Variants in TRIM14 observed in about 807,000 individuals in gnomAD.
TRIM14 encodes the protein tripartite motif-containing protein 14.
TRIM14 carries 28 observed loss-of-function variants against 44.5 expected under a neutral mutation model. The ratio of observed to expected loss-of-function variants is 0.63; its 90% CI spans 0.47 to 0.86. The LOEUF is 0.86. TRIM14 is among the 40% of genes least tolerant of loss of function. The pLI, the probability that TRIM14 is intolerant of heterozygous loss-of-function variation, is 0.00. For missense variants in TRIM14, 607 were observed against 611.1 expected, an observed-to-expected ratio of 0.99 and a Z score of 0.07; for synonymous variants, 299 against 269.2, an observed-to-expected ratio of 1.11 and a Z score of -1.08.
At chr9:98,074,100 T>G (rs1406834115) in intron 6 of TRIM14, among the ~76,000 whole-genome samples, 1 of 152,190 alleles carries the variant, frequency 6.6e-6, no homozygotes, top group Admixed American at 6.5e-5. Flanking sequence ...TTAATAAAGT[T>G]CTGAGTCGAA....
rs1179848355 is a variant in TRIM14, at chr9:98,087,799, C to T, written c.1000G>A (p.Gly334Ser). 2.7e-6 allele frequency: 4 copies of T among 1,503,122 alleles called. No individual in the cohort carries two copies. Among genetic ancestry groups the T allele is most frequent in the Non-Finnish European group, 3.5e-6 (4 of 1,137,316 alleles). The allele number at this position is 1,503,122 out of a possible 1,614,324, so 93.1% of individuals were successfully genotyped here. ...WEVDVQEAGA[G>S]WWVGAAYASL... ...GCGTAGGCCGCGCCCACCCACCAGC[C>T]GGCGCCCGCCTCCTGCACGTCAACC... Residue 334 changes from glycine (G) to serine (S), a missense_variant, in exon 6 of 6, where the codon GGC becomes AGC. Physicochemically the swap from Gly to Ser is moderately conservative, Grantham distance 56. Around this residue, in one of 3 missense-constraint regions of TRIM14, gnomAD observed 356 missense variants for 323.0 expected, o/e 1.10. Transcript: ENST00000341469.
intron 6 of TRIM14, among the ~76,000 whole-genome samples, chr9:98,077,215 G>A (rs140536532): frequency 7.3e-5 from 11 of 151,716 alleles, no homozygotes; most frequent in African/African-American, 2.2e-4. Context: ...CTCCCATCTC[G>A]ACCTCCCAAA....
the TRIM14 span, among the ~76,000 whole-genome samples, chr9:98,041,170 T>C: frequency 3.4e-3 from 520 of 152,200 alleles, 6 homozygotes; most frequent in African/African-American, 0.011. Flanking sequence ...GGATGAGGAA[T>C]AAAATTCCCA....
intron 6 of TRIM14, among the ~76,000 whole-genome samples, chr9:98,073,586 G>C (rs561342546): frequency 1.8e-4 from 27 of 149,708 alleles, no homozygotes; most frequent in South Asian, 1.1e-3. Context: ...CCTGGCCTGG[G>C]CTTCTTTTTT....
chr9:98,102,007 CAAAAAAA>C (rs998993291), intron 2 of TRIM14, among the ~76,000 whole-genome samples: 1,275 of 57,716 alleles, frequency 0.022, 19 homozygotes, highest in African/African-American at 0.078. Context: ...GACTTTGACT[CAAAAAAA>C]AAAAAAAAAA....
At chr9:98,082,748 G>T, downstream of TRIM14, 2 of 1,155,638 alleles carry the variant, frequency 1.7e-6, no homozygotes, top group East Asian at 5.1e-5. Context: ...CCAAGGTACT[G>T]CCTGGGGAAG....
intron 1 of TRIM14, 120 bp from the exon 2 acceptor site, chr9:98,110,104 G>A (rs575203375): frequency 1.2e-5 from 9 of 752,688 alleles, no homozygotes; most frequent in Admixed American, 7.1e-5. Flanking sequence ...ATCTGAAGGT[G>A]AGGTAACTTG....
At position 98,110,848 on chromosome 9, in the gene TRIM14, AAAAATAAAATAAAAT is replaced by A. The variant is rs58660734; in HGVS notation, c.208-879_208-865del. On this transcript the variant is annotated intron_variant, in intron 1 of 5. Transcript: ENST00000341469. ...ATAGTGAGACTCTGCCTCTACCACA[AAAAATAAAATAAAAT>A]AAAATAAAATAAAATAAAATAAAAT... Among the ~76,000 whole-genome samples the A allele has an allele frequency of 6.6e-4, 86 of 130,586 alleles. 1 individual carries two copies. The highest frequency in any genetic ancestry group is 8.6e-4 in the East Asian group (4 of 4,644). 85.7% of individuals were successfully genotyped at this position (130,586 alleles called of 152,430 possible). A position where few individuals can be genotyped will look rare whatever the true frequency, so the allele number is the denominator to read the frequency against.
intron 6 of TRIM14, chr9:98,076,825 G>A: frequency 1.0e-6 from 1 of 984,710 alleles, no homozygotes; most frequent in Non-Finnish European, 1.6e-6. Flanking sequence ...CCTAAGATGA[G>A]GGGTTTTTCT....
chr9:98,061,522 C>G, the TRIM14 span, among the ~76,000 whole-genome samples: 1 of 149,382 alleles, frequency 6.7e-6, no homozygotes, highest in African/African-American at 2.5e-5. Flanking sequence ...TGTCTCACAC[C>G]TGTAATCCCA....
chr9:98,072,744 A>C (rs1355477144), intron 6 of TRIM14, among the ~76,000 whole-genome samples: 2 of 152,074 alleles, frequency 1.3e-5, no homozygotes, highest in African/African-American at 4.8e-5. Flanking sequence ...TACGAGAGTT[A>C]ATTTACCTTG....
intron 1 of TRIM14, among the ~76,000 whole-genome samples, chr9:98,117,649 T>C (rs1827103536): frequency 6.6e-6 from 1 of 152,210 alleles, no homozygotes; most frequent in African/African-American, 2.4e-5. Context: ...CTGCTTCTTC[T>C]TTTTTCCTTA....
chr9:98,042,291 T>C, the TRIM14 span, among the ~76,000 whole-genome samples: 1 of 67,626 alleles, frequency 1.5e-5, no homozygotes. Flanking sequence ...AGACTCTGTC[T>C]GGAAAAAAAA....
chr9:98,057,818 G>GT, the TRIM14 span, among the ~76,000 whole-genome samples: 1 of 145,398 alleles, frequency 6.9e-6, no homozygotes, highest in Non-Finnish European at 1.5e-5. Context: ...TTTGTGATAG[G>GT]TTTTTTAAAT....
chr9:98,056,819 A>T, the TRIM14 span: 1 of 1,608,428 alleles, frequency 6.2e-7, no homozygotes, highest in Non-Finnish European at 8.5e-7. Flanking sequence ...ATGCCGCTGG[A>T]GCTGGAGCTG....
the TRIM14 span, among the ~76,000 whole-genome samples, chr9:98,047,460 G>A: frequency 2.6e-5 from 4 of 152,188 alleles, no homozygotes; most frequent in African/African-American, 9.6e-5. Flanking sequence ...TAACAGCCTG[G>A]GACTCCTTGG....
intron 2 of TRIM14, among the ~76,000 whole-genome samples, chr9:98,102,987 C>A (rs1285915525): frequency 2.6e-5 from 4 of 152,014 alleles, no homozygotes; most frequent in Admixed American, 2.6e-4. Context: ...GAGTTCAAGA[C>A]CAGCCTGGCC....
downstream of TRIM14, among the ~76,000 whole-genome samples, chr9:98,064,774 C>T (rs1829086641): frequency 1.3e-5 from 2 of 152,160 alleles, no homozygotes; most frequent in African/African-American, 4.8e-5. Context: ...GCTGCTGCTG[C>T]CTGGCTGGCA....
chr9:98,088,792 A>G (rs563722937), intron 5 of TRIM14, among the ~76,000 whole-genome samples: 1 of 152,314 alleles, frequency 6.6e-6, no homozygotes, highest in Non-Finnish European at 1.5e-5. Context: ...TGCTGGGTCA[A>G]TGGGTATTTT....
Sources: gnomAD v4.1 joint callset for allele counts (sites outside exome capture counted in the v4.1 genomes callset) on GRCh38, gnomAD v4.1.1 for gene constraint, gnomAD v4.1.1 regional missense constraint, MANE v1.5 for transcripts, NCBI Gene and HGNC (gene_info 2026-07-23, HGNC 2026-07-21) for gene names.